GHR: variants seen among roughly 807,000 people sequenced by gnomAD.
GHR encodes the protein growth hormone receptor, also known as GH receptor.
Under a neutral mutation model 67.1 loss-of-function variants are expected in GHR, and 35 were observed. The ratio of observed to expected loss-of-function variants is 0.52; its 90% CI spans 0.40 to 0.69. The LOEUF is 0.69. Among genes scored for constraint, GHR ranks in the 30% least tolerant of loss-of-function variants. The pLI is 0.00. For missense variants in GHR, 792 were observed against 764.6 expected, an observed-to-expected ratio of 1.04 and a Z score of -0.42; for synonymous variants, 272 against 269.1, an observed-to-expected ratio of 1.01 and a Z score of -0.10.
At chr5:42,613,400 C>A (rs183439146) in intron 2 of GHR, among the ~76,000 whole-genome samples, 28 of 152,228 alleles carry the variant, frequency 1.8e-4, no homozygotes, top group South Asian at 8.3e-4. Flanking sequence ...CTTCTCACAA[C>A]CCTTGCCTCT....
intron 1 of GHR, among the ~76,000 whole-genome samples, chr5:42,478,492 A>G (rs979801978): frequency 3.3e-5 from 5 of 151,878 alleles, no homozygotes; most frequent in African/African-American, 4.8e-5. Flanking sequence ...CCATTTTCAC[A>G]ATATTGATTC....
At chr5:42,469,083 T>A (rs1744881654) in intron 1 of GHR, among the ~76,000 whole-genome samples, 2 of 152,236 alleles carry the variant, frequency 1.3e-5, no homozygotes, top group Admixed American at 1.3e-4. Context: ...TAGTTCTAGA[T>A]AATACTATTG....
chr5:42,570,765 T>C (rs1465715487), intron 2 of GHR, among the ~76,000 whole-genome samples: 3 of 152,174 alleles, frequency 2.0e-5, no homozygotes, highest in African/African-American at 7.2e-5. Flanking sequence ...ATAAACATAA[T>C]TTAATTGTGA....
chr5:42,599,899 G>A (rs1033756004), intron 2 of GHR, among the ~76,000 whole-genome samples: 1 of 152,110 alleles, frequency 6.6e-6, no homozygotes. Context: ...CCCTTCAAGG[G>A]TGCTTCAGCC....
At chr5:42,560,424 C>T (rs143025963) in intron 1 of GHR, among the ~76,000 whole-genome samples, 3,684 of 152,246 alleles carry the variant, frequency 0.024, 105 homozygotes, top group Admixed American at 0.075. Context: ...AATCTCTTGA[C>T]CTTGTGATCC....
chr5:42,693,112 G>A (rs1454665723), intron 4 of GHR, among the ~76,000 whole-genome samples: 1 of 151,096 alleles, frequency 6.6e-6, no homozygotes, highest in Non-Finnish European at 1.5e-5. Context: ...TTTTGCATCA[G>A]AGATGAATCT....
At chr5:42,587,418 T>C (rs982065657) in intron 2 of GHR, among the ~76,000 whole-genome samples, 1 of 152,100 alleles carries the variant, frequency 6.6e-6, no homozygotes, top group Non-Finnish European at 1.5e-5. Flanking sequence ...CTCTTTTTGG[T>C]TTTGATTTGC....
At chr5:42,501,085 A>C (rs1251454303) in intron 1 of GHR, among the ~76,000 whole-genome samples, 1 of 152,182 alleles carries the variant, frequency 6.6e-6, no homozygotes. Context: ...CCTAAGATGC[A>C]TCAGGTTCTG....
At chr5:42,650,578 C>CATTAT (rs1754967013) in intron 3 of GHR, among the ~76,000 whole-genome samples, 1 of 129,050 alleles carries the variant, frequency 7.7e-6, no homozygotes, top group African/African-American at 3.0e-5. Context: ...TTACAGATAA[C>CATTAT]ATATATATAT....
At chr5:42,561,493 A>T (rs1175990108) in intron 1 of GHR, among the ~76,000 whole-genome samples, 1 of 152,172 alleles carries the variant, frequency 6.6e-6, no homozygotes, top group African/African-American at 2.4e-5. Context: ...TCTAACCTTC[A>T]TCTTTTCTCA....
At chr5:42,467,237 G>A (rs1744771244) in intron 1 of GHR, 1 of 1,398,598 alleles carries the variant, frequency 7.2e-7, no homozygotes, top group African/African-American at 1.4e-5. Flanking sequence ...TCTGCAGTGT[G>A]AATTATCTGG....
chr5:42,498,820 A>G (rs1462780881), intron 1 of GHR, among the ~76,000 whole-genome samples: 1 of 152,156 alleles, frequency 6.6e-6, no homozygotes, highest in African/African-American at 2.4e-5. Context: ...CCACCTCCAT[A>G]AAAATGTGCT....
intron 3 of GHR, chr5:42,659,362 T>A (rs1755438851): frequency 6.6e-6 from 1 of 152,132 alleles, no homozygotes; most frequent in African/African-American, 2.4e-5. Context: ...AGGATGGGTG[T>A]GTTTTAAAGG....
chr5:42,553,012 C>T (rs966950646), intron 1 of GHR, among the ~76,000 whole-genome samples: 1 of 152,182 alleles, frequency 6.6e-6, no homozygotes, highest in African/African-American at 2.4e-5. Context: ...AAATGCCCCT[C>T]TCAATATTGA....
chr5:42,552,040 G>A (rs1362484692), intron 1 of GHR, among the ~76,000 whole-genome samples: 1 of 152,174 alleles, frequency 6.6e-6, no homozygotes, highest in Non-Finnish European at 1.5e-5. Context: ...CCTGGTAGGT[G>A]GACAGTCTCT....
intron 2 of GHR, among the ~76,000 whole-genome samples, chr5:42,588,127 G>A (rs545592388): frequency 4.6e-5 from 7 of 152,294 alleles, no homozygotes; most frequent in African/African-American, 1.7e-4. Flanking sequence ...TATGCCTTAA[G>A]TCAGATCATA....
intron 3 of GHR, among the ~76,000 whole-genome samples, chr5:42,661,560 A>G (rs1004545415): frequency 6.6e-5 from 10 of 152,192 alleles, no homozygotes; most frequent in Admixed American, 2.0e-4. Flanking sequence ...ATGCTGAGAG[A>G]TTTTGTCACC....
At chr5:42,444,458 C>A (rs913067792) in intron 1 of GHR, among the ~76,000 whole-genome samples, 1 of 152,166 alleles carries the variant, frequency 6.6e-6, no homozygotes, top group Non-Finnish European at 1.5e-5. Context: ...TGGGTTGGGG[C>A]AGAAGCAATA....
chr5:42,666,653 A>C (rs1755996529), intron 3 of GHR, among the ~76,000 whole-genome samples: 1 of 152,186 alleles, frequency 6.6e-6, no homozygotes, highest in African/African-American at 2.4e-5. Flanking sequence ...CATGGCTACC[A>C]TATTGGACAG....
Sources: allele counts gnomAD v4.1 joint callset (sites outside exome capture counted in the v4.1 genomes callset), GRCh38; gene constraint gnomAD v4.1.1; transcripts MANE v1.5; gene names NCBI Gene and HGNC (gene_info 2026-07-23, HGNC 2026-07-21).